Variants in CNOT6 observed in about 807,000 individuals in gnomAD.
CNOT6 encodes carbon catabolite repression 4 protein.
Under a neutral mutation model 61.2 loss-of-function variants are expected in CNOT6, and 12 were observed. The ratio of observed to expected loss-of-function variants is 0.20; its 90% CI spans 0.13 to 0.32. CNOT6 has a LOEUF of 0.32. Among genes scored for constraint, CNOT6 ranks in the 10% least tolerant of loss-of-function variants. The probability of loss-of-function intolerance (pLI) is 1.00; values close to 1 mark genes in which losing one functional copy is unlikely to be tolerated. For missense variants in CNOT6, 405 were observed against 663.9 expected (o/e 0.61, Z 4.28); for synonymous variants, 225 against 240.6 (o/e 0.94, Z 0.60).
chr5:180,551,167 GAACCTGGTCTCTACAAAAAA>G (rs1759580888), intron 3 of CNOT6, among the ~76,000 whole-genome samples: 1 of 148,916 alleles, frequency 6.7e-6, no homozygotes, highest in African/African-American at 2.5e-5. Flanking sequence ...AACATAGCGA[GAACCTGGTCTCTACAAAAAA>G]AAAAAAAAAT....
chr5:180,565,009 G>T (rs929928387), intron 6 of CNOT6, among the ~76,000 whole-genome samples: 5 of 152,244 alleles, frequency 3.3e-5, no homozygotes, highest in Non-Finnish European at 7.3e-5. Context: ...AGACAATTTT[G>T]ATGGTCGTAA....
At chr5:180,571,654 C>G (rs1275667380) in intron 11 of CNOT6, among the ~76,000 whole-genome samples, 1 of 152,152 alleles carries the variant, frequency 6.6e-6, no homozygotes, top group Non-Finnish European at 1.5e-5. Context: ...CAGCTTCAAC[C>G]ATGCCGGCTC....
intron 2 of CNOT6, among the ~76,000 whole-genome samples, chr5:180,549,695 G>A (rs1458680141): frequency 6.6e-6 from 1 of 152,126 alleles, no homozygotes; most frequent in East Asian, 1.9e-4. Context: ...AAATAAAGAT[G>A]CACTCTAAGT....
At chr5:180,533,211 G>C (rs1758477373) in intron 2 of CNOT6, among the ~76,000 whole-genome samples, 1 of 151,426 alleles carries the variant, frequency 6.6e-6, no homozygotes, top group African/African-American at 2.4e-5. Flanking sequence ...GGGGAAAGGA[G>C]GATAGGAGAA....
At chr5:180,568,102 T>C in intron 9 of CNOT6, 99 bp downstream of exon 9, 1 of 1,218,710 alleles carries the variant, frequency 8.2e-7, no homozygotes, top group Non-Finnish European at 1.1e-6. Flanking sequence ...TGGTCTTGTC[T>C]AACACCTGAA....
intron 1 of CNOT6, among the ~76,000 whole-genome samples, chr5:180,515,780 C>T (rs1757608872): frequency 6.6e-6 from 1 of 152,132 alleles, no homozygotes; most frequent in East Asian, 1.9e-4. Flanking sequence ...TACCTCCCTT[C>T]CTTTCCTCTG....
At chr5:180,544,937 T>A (rs1759237767) in intron 2 of CNOT6, among the ~76,000 whole-genome samples, 3 of 152,188 alleles carry the variant, frequency 2.0e-5, no homozygotes, top group African/African-American at 7.2e-5. Context: ...CACTCCAGCC[T>A]GGGTGACAGA....
chr5:180,494,489 A>C lies in CNOT6; in HGVS notation c.-277A>C, dbSNP rs1161349985. The C allele has an allele frequency of 1.3e-5, 2 of 153,108 alleles. No individual in the cohort carries two copies. The highest frequency in any genetic ancestry group is 2.5e-5 in the African/African-American group (1 of 40,008). The allele number at this position is 153,108 out of a possible 1,614,324, so 9.5% of individuals were successfully genotyped here. Reference sequence around the variant, plus strand: ...CGGCGGCGACGGCGGCGCGGAGGCGAAGGCAGCGGCGGGCGCAGCGAGGAG... The same window carrying C: ...CGGCGGCGACGGCGGCGCGGAGGCGCAGGCAGCGGCGGGCGCAGCGAGGAG... On this transcript the variant is annotated 5_prime_UTR_variant, in exon 1 of 12. Transcript: ENST00000261951.
chr5:180,531,804 G>A (rs1375088778), intron 2 of CNOT6, among the ~76,000 whole-genome samples: 4 of 152,244 alleles, frequency 2.6e-5, no homozygotes, highest in African/African-American at 4.8e-5. Flanking sequence ...CCAACATGGC[G>A]AAACCCCGTC....
At chr5:180,539,928 A>C (rs1758947557) in intron 2 of CNOT6, among the ~76,000 whole-genome samples, 1 of 152,144 alleles carries the variant, frequency 6.6e-6, no homozygotes, top group South Asian at 2.1e-4. Flanking sequence ...TAAACTTAGA[A>C]GATGTGACTC....
Position 180,576,970 on chromosome 5 carries a change from G to A in CNOT6, c.*2770G>A, listed in dbSNP as rs1250019426. ...TTTCTGTTTTAAAGACCAGAAGTTT[G>A]AAGGCACCCAAATCCTTGTCGCCAA... On this transcript the variant is annotated 3_prime_UTR_variant, in exon 12 of 12. Coordinates refer to ENST00000261951, the MANE Select transcript of CNOT6 (RefSeq NM_001370472.1). 2 of 152,502 alleles carry A rather than the reference G, an allele frequency of 1.3e-5. No individual in the cohort carries two copies. Among genetic ancestry groups the A allele is most frequent in the East Asian group, 3.9e-4 (2 of 5,190 alleles). The allele number at this position is 152,502 out of a possible 1,614,324, so 9.4% of individuals were successfully genotyped here.
chr5:180,567,177 T>A lies in CNOT6; in HGVS notation c.807T>A (p.Ala269=). The change falls in exon 8 of 12, where the codon GCT becomes GCA. Residue 269 remains alanine, a synonymous_variant. Transcript: ENST00000261951. ...YNGFFSPKSR[A]RTMSEQERKH... ...GATTCTTCAGTCCTAAGTCTAGAGC[T>A]AGGACAATGTCAGAACAAGAAAGGA... The A allele has an allele frequency of 6.2e-7, 1 of 1,613,782 alleles. No homozygotes were observed. The highest frequency in any genetic ancestry group is 8.5e-7 in the Non-Finnish European group (1 of 1,179,892).
At position 180,538,686 on chromosome 5, in the gene CNOT6, G is replaced by GTATATATATATA. The variant is rs59342527; in HGVS notation, c.112+9317_112+9328dup. Among the ~76,000 whole-genome samples the GTATATATATATA allele has an allele frequency of 4.6e-3, 387 of 84,976 alleles. 4 individuals carry two copies. Among genetic ancestry groups the GTATATATATATA allele is most frequent in the African/African-American group, 8.1e-3 (242 of 29,962 alleles). 55.7% of individuals were successfully genotyped at this position (84,976 alleles called of 152,430 possible). On this transcript the variant is annotated intron_variant, in intron 2 of 11. Transcript: ENST00000261951. ...GAGCGAGACTCTGTCTGAGAAAAAG[G>GTATATATATATA]TATATATATATATATATATATATAT...
chr5:180,562,149 A>G (rs887661035), intron 4 of CNOT6, among the ~76,000 whole-genome samples: 1 of 152,102 alleles, frequency 6.6e-6, no homozygotes, highest in Non-Finnish European at 1.5e-5. Context: ...GAACCCAGGG[A>G]ACTCATCCCT....
intron 1 of CNOT6, among the ~76,000 whole-genome samples, chr5:180,496,373 G>T (rs1756615236): frequency 6.6e-6 from 1 of 152,218 alleles, no homozygotes; most frequent in Non-Finnish European, 1.5e-5. Flanking sequence ...CCATGGTACT[G>T]TAATGAGGAG....
intron 2 of CNOT6, among the ~76,000 whole-genome samples, chr5:180,548,669 A>G (rs1379409995): frequency 1.3e-5 from 2 of 152,146 alleles, no homozygotes; most frequent in Non-Finnish European, 2.9e-5. Flanking sequence ...ACTCTCCTGC[A>G]TTGGTTGGTG....
At chr5:180,563,523 T>A (rs942269742) in intron 4 of CNOT6, among the ~76,000 whole-genome samples, 2 of 152,232 alleles carry the variant, frequency 1.3e-5, no homozygotes, top group African/African-American at 4.8e-5. Flanking sequence ...ATTACAGGCA[T>A]GTCTTCCTTC....
intron 1 of CNOT6, among the ~76,000 whole-genome samples, chr5:180,510,540 C>T (rs1385229427): frequency 1.3e-5 from 2 of 152,136 alleles, no homozygotes; most frequent in East Asian, 1.9e-4. Context: ...TCAAATCATA[C>T]ACTTGGCAAA....
intron 1 of CNOT6, among the ~76,000 whole-genome samples, chr5:180,526,947 A>G (rs1758128710): frequency 6.7e-6 from 1 of 150,190 alleles, no homozygotes; most frequent in African/African-American, 2.5e-5. Flanking sequence ...GGACACAGTC[A>G]CATCTTACTG....
Sources: allele counts gnomAD v4.1 joint callset (sites outside exome capture counted in the v4.1 genomes callset), GRCh38; gene constraint gnomAD v4.1.1; transcripts MANE v1.5; gene names NCBI Gene and HGNC (gene_info 2026-07-23, HGNC 2026-07-21).